RAD51B: variants seen among roughly 807,000 people sequenced by gnomAD.
The protein encoded by RAD51B is DNA repair protein RAD51 homolog 2.
In RAD51B, 38 loss-of-function variants were observed where a neutral mutation model predicts 42.2. The observed-to-expected ratio is 0.90, with a 90% CI of 0.70 to 1.18. The LOEUF (loss-of-function observed/expected upper bound fraction) is 1.18, where lower values mean the gene tolerates loss of function less well. Among genes scored for constraint, RAD51B ranks in the 50% most tolerant of loss-of-function variants. RAD51B has a pLI of 0.00. For synonymous variants in RAD51B, 154 were observed against 145.2 expected, an observed-to-expected ratio of 1.06 and a Z score of -0.43; for missense variants, 373 against 400.7, an observed-to-expected ratio of 0.93 and a Z score of 0.59.
intron 7 of RAD51B, among the ~76,000 whole-genome samples, chr14:68,058,886 C>A (rs554778535): frequency 5.1e-4 from 78 of 152,272 alleles, no homozygotes; most frequent in African/African-American, 1.7e-3. Flanking sequence ...TAGGCATATT[C>A]TTTTGCCAAC....
intron 7 of RAD51B, among the ~76,000 whole-genome samples, chr14:68,243,983 C>T (rs1308087799): frequency 6.6e-6 from 1 of 152,106 alleles, no homozygotes; most frequent in African/African-American, 2.4e-5. Context: ...AAACTGATGT[C>T]TTTTCGTGAT....
At chr14:68,374,954 G>T (rs1028905836) in intron 8 of RAD51B, among the ~76,000 whole-genome samples, 2 of 151,400 alleles carry the variant, frequency 1.3e-5, no homozygotes, top group African/African-American at 4.9e-5. Context: ...AGCCTCGGCT[G>T]GCGTGAATCC....
chr14:67,993,629 G>C (rs2075334003), intron 7 of RAD51B, among the ~76,000 whole-genome samples: 1 of 152,044 alleles, frequency 6.6e-6, no homozygotes, highest in Non-Finnish European at 1.5e-5. Context: ...AATCTCGGCT[G>C]TTGTGACTAG....
chr14:68,144,637 G>T (rs2767362), intron 7 of RAD51B, among the ~76,000 whole-genome samples: 2,333 of 152,146 alleles, frequency 0.015, 50 homozygotes, highest in African/African-American at 0.052. Context: ...CCTATACCTG[G>T]CAGTGCCAAC....
intron 10 of RAD51B, among the ~76,000 whole-genome samples, chr14:68,582,117 A>G (rs545254923): frequency 6.6e-6 from 1 of 152,356 alleles, no homozygotes; most frequent in Non-Finnish European, 1.5e-5. Flanking sequence ...TCATGACTAA[A>G]ACACCAAAAG....
chr14:67,984,661 C>G (rs2075152125), intron 7 of RAD51B, among the ~76,000 whole-genome samples: 1 of 152,198 alleles, frequency 6.6e-6, no homozygotes, highest in Non-Finnish European at 1.5e-5. Context: ...TCAGGTACCA[C>G]ATAAACCACA....
At chr14:67,891,046 C>T (rs2043204448) in intron 7 of RAD51B, among the ~76,000 whole-genome samples, 1 of 152,086 alleles carries the variant, frequency 6.6e-6, no homozygotes, top group African/African-American at 2.4e-5. Flanking sequence ...TTTCCAAGGT[C>T]TACATTTTTA....
At chr14:68,465,947 AAAAAAAATAAATAAAT>A (rs2085967813) in intron 9 of RAD51B, among the ~76,000 whole-genome samples, 1 of 58,750 alleles carries the variant, frequency 1.7e-5, no homozygotes, top group African/African-American at 7.0e-5. Context: ...TCTCAAAAAA[AAAAAAAATAAATAAAT>A]AAATAAATAA....
chr14:68,207,798 T>C (rs2079623199), intron 7 of RAD51B, among the ~76,000 whole-genome samples: 1 of 152,138 alleles, frequency 6.6e-6, no homozygotes. Context: ...TTGGATTTGA[T>C]ATTTGGTTAC....
intron 7 of RAD51B, among the ~76,000 whole-genome samples, chr14:67,937,816 G>T (rs757196007): frequency 2.0e-5 from 3 of 152,112 alleles, no homozygotes; most frequent in Non-Finnish European, 4.4e-5. Flanking sequence ...AATAGTGAGG[G>T]TATTTTAAAA....
chr14:68,066,144 A>G (rs2076646482), intron 7 of RAD51B, among the ~76,000 whole-genome samples: 1 of 152,100 alleles, frequency 6.6e-6, no homozygotes, highest in South Asian at 2.1e-4. Flanking sequence ...TAGTCTTATG[A>G]AGTCATTAAA....
exon 11 of RAD51B, chr14:68,595,513 C>G (rs1890955410): frequency 9.4e-7 from 1 of 1,066,434 alleles, no homozygotes; most frequent in African/African-American, 1.6e-5. Context: ...GTGTTTGGAG[C>G]AAGGGTTGTG....
chr14:68,490,107 A>G (rs184424591), intron 10 of RAD51B, among the ~76,000 whole-genome samples: 127 of 152,384 alleles, frequency 8.3e-4, no homozygotes, highest in African/African-American at 2.9e-3. Context: ...CCTTTTGGAT[A>G]GGACCCTGGA....
At chr14:68,629,109 T>C (rs2140121385) in intron 10 of RAD51B, among the ~76,000 whole-genome samples, 1 of 152,226 alleles carries the variant, frequency 6.6e-6, no homozygotes, top group South Asian at 2.1e-4. Context: ...CCCAACTTCA[T>C]TTTAGCAGTG....
intron 7 of RAD51B, among the ~76,000 whole-genome samples, chr14:67,914,709 G>T (rs879795840): frequency 6.6e-6 from 1 of 152,090 alleles, no homozygotes; most frequent in Non-Finnish European, 1.5e-5. Flanking sequence ...TGTAGACTTG[G>T]TGTTTGTATG....
At chr14:68,482,547 T>G (rs542300630), downstream of RAD51B, among the ~76,000 whole-genome samples, 1 of 152,310 alleles carries the variant, frequency 6.6e-6, no homozygotes, top group Non-Finnish European at 1.5e-5. Flanking sequence ...GATTCTAGCC[T>G]AAAAACTGGT....
intron 10 of RAD51B, among the ~76,000 whole-genome samples, chr14:68,643,878 G>A (rs1246124826): frequency 6.6e-6 from 1 of 152,094 alleles, no homozygotes; most frequent in South Asian, 2.1e-4. Context: ...GTCATGAAAA[G>A]GGGGTGGGGC....
At chr14:68,159,634 A>G (rs2078594611) in intron 7 of RAD51B, among the ~76,000 whole-genome samples, 1 of 151,976 alleles carries the variant, frequency 6.6e-6, no homozygotes, top group Non-Finnish European at 1.5e-5. Context: ...AAAAAAAAAA[A>G]AGACAAAGTA....
At chr14:68,187,140 T>A (rs549756849) in intron 7 of RAD51B, among the ~76,000 whole-genome samples, 5 of 152,136 alleles carry the variant, frequency 3.3e-5, no homozygotes, top group African/African-American at 7.2e-5. Flanking sequence ...CACTTATAAG[T>A]GGAAGCTAAA....
Sources: allele counts gnomAD v4.1 joint callset (sites outside exome capture counted in the v4.1 genomes callset), GRCh38; gene constraint gnomAD v4.1.1; transcripts MANE v1.5; gene names NCBI Gene and HGNC (gene_info 2026-07-23, HGNC 2026-07-21).